Variants in PLEKHA6 observed in about 807,000 individuals in gnomAD.
The protein encoded by PLEKHA6 is pleckstrin homology domain-containing family A member 6.
Under a neutral mutation model 116.7 loss-of-function variants are expected in PLEKHA6, and 60 were observed. That is an observed-to-expected ratio of 0.51 (90% CI 0.42 to 0.64). PLEKHA6 has a LOEUF of 0.64. Ranked by LOEUF, PLEKHA6 falls within the 30% of genes least tolerant of loss-of-function variation. PLEKHA6 has a pLI of 0.00. For synonymous variants in PLEKHA6, 489 were observed against 556.1 expected (o/e 0.88, Z 1.70); for missense variants, 1,338 against 1,422.7 (o/e 0.94, Z 0.96).
intron 9 of PLEKHA6, among the ~76,000 whole-genome samples, chr1:204,253,851 CAAAAA>C (rs1558070351): frequency 7.3e-6 from 1 of 136,684 alleles, no homozygotes; most frequent in East Asian, 2.2e-4. Flanking sequence ...AAAAAAAAAA[CAAAAA>C]CAAAAACAAA....
chr1:204,256,793 A>C (rs1665357958), intron 9 of PLEKHA6: 1 of 603,086 alleles, frequency 1.7e-6, no homozygotes, highest in Non-Finnish European at 3.0e-6. Context: ...GAGGGGAGAA[A>C]GGACGTACCA....
At chr1:204,264,893 G>A in intron 6 of PLEKHA6, 49 bp downstream of exon 6, 1 of 1,278,994 alleles carries the variant, frequency 7.8e-7, no homozygotes, top group African/African-American at 1.5e-5. Context: ...GGCTCTAGAA[G>A]AGCAGGCCTT....
chr1:204,227,703 C>T (rs977554250), intron 21 of PLEKHA6, among the ~76,000 whole-genome samples: 3 of 152,152 alleles, frequency 2.0e-5, no homozygotes, highest in African/African-American at 7.2e-5. Flanking sequence ...GAATACCTGG[C>T]CCTCTCCCTG....
chr1:204,248,778 G>A (rs745680202), intron 12 of PLEKHA6, 43 bp downstream of exon 12: 1 of 1,594,530 alleles, frequency 6.3e-7, no homozygotes, highest in Admixed American at 1.7e-5. Flanking sequence ...CTGCTGCCTA[G>A]TGCTGATGAG....
intron 1 of PLEKHA6, among the ~76,000 whole-genome samples, chr1:204,334,263 G>A (rs1672559656): frequency 6.6e-6 from 1 of 152,152 alleles, no homozygotes. Flanking sequence ...GCAGGGAGAG[G>A]CAACAAGATG....
At chr1:204,363,142 C>A (rs1457002775), upstream of PLEKHA6, among the ~76,000 whole-genome samples, 1 of 152,224 alleles carries the variant, frequency 6.6e-6, no homozygotes, top group South Asian at 2.1e-4. Context: ...GTGGCTCCCC[C>A]GCCCCTCCCA....
At chr1:204,226,570 T>C (rs530567936) in intron 21 of PLEKHA6, among the ~76,000 whole-genome samples, 11 of 152,298 alleles carry the variant, frequency 7.2e-5, no homozygotes, top group Admixed American at 7.2e-4. Flanking sequence ...AGAGGCCTGC[T>C]TCCTTGTGGC....
At position 204,258,867 on chromosome 1, in the gene PLEKHA6, C is replaced by T. The variant is rs1279554398; in HGVS notation, c.1007+391G>A. Among the ~76,000 whole-genome samples the T allele has an allele frequency of 3.3e-5, 5 of 152,212 alleles. No homozygotes were observed. The East Asian group carries it at 9.6e-4, about 29-fold the overall frequency. On this transcript the variant is annotated intron_variant, in intron 8 of 22. Transcript: ENST00000272203. ...AGTTGGTCTGGCAGTTAGTGAGTCT[C>T]AAGTGGGTGGAGCACTGGGGAGAGG...
intron 1 of PLEKHA6, among the ~76,000 whole-genome samples, chr1:204,330,833 G>T (rs983774870): frequency 2.0e-5 from 3 of 152,156 alleles, no homozygotes; most frequent in African/African-American, 7.2e-5. Context: ...CTGGCTCAGA[G>T]CCGAAAACAA....
At chr1:204,248,733 T>C in intron 12 of PLEKHA6, 88 bp downstream of exon 12, 1 of 1,259,032 alleles carries the variant, frequency 7.9e-7, no homozygotes, top group Middle Eastern at 2.7e-4. Context: ...TGAGGAAAAC[T>C]GGACTAGGAC....
intron 13 of PLEKHA6, among the ~76,000 whole-genome samples, chr1:204,246,814 T>A (rs1156720521): frequency 3.3e-5 from 5 of 152,246 alleles, no homozygotes; most frequent in Non-Finnish European, 5.9e-5. Context: ...ACTCTTCTAA[T>A]GCCTGAGTTA....
At chr1:204,293,803 G>C (rs956108115) in intron 1 of PLEKHA6, among the ~76,000 whole-genome samples, 1 of 152,124 alleles carries the variant, frequency 6.6e-6, no homozygotes, top group Non-Finnish European at 1.5e-5. Context: ...GAGGAAAGAC[G>C]GGACAAGGCT....
intron 1 of PLEKHA6, among the ~76,000 whole-genome samples, chr1:204,287,850 T>A (rs908668465): frequency 6.6e-6 from 1 of 152,220 alleles, no homozygotes; most frequent in African/African-American, 2.4e-5. Flanking sequence ...AAAACCATTG[T>A]CTTGACATCA....
chr1:204,333,475 T>C lies in PLEKHA6; in HGVS notation c.-95+26219A>G, dbSNP rs537679475. On this transcript the variant is annotated intron_variant, in intron 1 of 22. Transcript: ENST00000272203. Reference sequence around the variant, plus strand: ...AATAATCTCTGACATTTGCATAGCGTTTTACACACATTGACTATTTTTCAT... The same window carrying C: ...AATAATCTCTGACATTTGCATAGCGCTTTACACACATTGACTATTTTTCAT... Among the ~76,000 whole-genome samples, 110 of 152,278 alleles carry C rather than the reference T, an allele frequency of 7.2e-4. 2 individuals are homozygous for C. The highest frequency in any genetic ancestry group is 3.0e-3 in the Admixed American group (46 of 15,302).
intron 1 of PLEKHA6, among the ~76,000 whole-genome samples, chr1:204,285,292 A>C (rs1214835257): frequency 2.6e-5 from 4 of 152,232 alleles, no homozygotes; most frequent in Admixed American, 2.6e-4. Flanking sequence ...AGTAAATACA[A>C]GTTCCCTCAT....
At chr1:204,269,463 C>T (rs1345789100) in intron 3 of PLEKHA6, among the ~76,000 whole-genome samples, 1 of 148,944 alleles carries the variant, frequency 6.7e-6, no homozygotes, top group Non-Finnish European at 1.5e-5. Flanking sequence ...AAAAAAATCA[C>T]ACTGCCATAC....
chr1:204,334,289 C>T (rs1175295437), intron 1 of PLEKHA6, among the ~76,000 whole-genome samples: 1 of 152,136 alleles, frequency 6.6e-6, no homozygotes, highest in Non-Finnish European at 1.5e-5. Context: ...GACGCAAAGC[C>T]TTTGTATCCT....
intron 17 of PLEKHA6, among the ~76,000 whole-genome samples, chr1:204,231,561 TTTTC>T (rs1661181243): frequency 7.5e-6 from 1 of 133,508 alleles, no homozygotes; most frequent in Non-Finnish European, 1.6e-5. Flanking sequence ...GTTGGGTTTT[TTTTC>T]TTTCTTTTTT....
chr1:204,243,790 C>T (rs946944709), intron 15 of PLEKHA6, among the ~76,000 whole-genome samples: 5 of 152,026 alleles, frequency 3.3e-5, no homozygotes, highest in African/African-American at 9.7e-5. Flanking sequence ...AGCACATGTG[C>T]GTATCTTTAT....
Sources: gnomAD v4.1 joint callset for allele counts (sites outside exome capture counted in the v4.1 genomes callset) on GRCh38, gnomAD v4.1.1 for gene constraint, MANE v1.5 for transcripts, NCBI Gene and HGNC (gene_info 2026-07-23, HGNC 2026-07-21) for gene names.